Variants in CD80 observed in about 807,000 individuals in gnomAD.
CD80 encodes T-lymphocyte activation antigen CD80.
CD80 carries 13 observed loss-of-function variants against 27.1 expected under a neutral mutation model. The observed-to-expected ratio is 0.48, with a 90% confidence interval of 0.31 to 0.76. The LOEUF is 0.76. Among genes scored for constraint, CD80 ranks in the 30% least tolerant of loss-of-function variants. The pLI is 0.04. For missense variants in CD80, 277 were observed against 347.9 expected (o/e 0.80, Z 1.62); for synonymous variants, 125 against 125.5 (o/e 1.00, Z 0.03).
intron 2 of CD80, among the ~76,000 whole-genome samples, chr3:119,553,140 TTTA>T (rs2082243666): frequency 6.8e-6 from 1 of 147,846 alleles, no homozygotes; most frequent in South Asian, 2.2e-4. Context: ...TATTTATTTA[TTTA>T]TTTATTTATT....
At chr3:119,557,158 T>C (rs2082269217) in intron 2 of CD80, among the ~76,000 whole-genome samples, 1 of 152,198 alleles carries the variant, frequency 6.6e-6, no homozygotes, top group Non-Finnish European at 1.5e-5. Flanking sequence ...TGAATGTCAT[T>C]AAGAGGAATT....
At chr3:119,544,935 C>A in intron 2 of CD80, 68 bp from the exon 3 acceptor site, 1 of 1,284,544 alleles carries the variant, frequency 7.8e-7, no homozygotes, top group Non-Finnish European at 1.1e-6. Flanking sequence ...GTCAGGAATC[C>A]AAAGTCGGCA....
chr3:119,544,130 C>T (rs760590849), intron 3 of CD80, among the ~76,000 whole-genome samples: 4 of 152,052 alleles, frequency 2.6e-5, no homozygotes, highest in South Asian at 4.2e-4. Context: ...TCAAGTGATC[C>T]GCCTGCCTTG....
chr3:119,545,081 C>T (rs1403637281), intron 2 of CD80, among the ~76,000 whole-genome samples: 8 of 152,096 alleles, frequency 5.3e-5, no homozygotes, highest in East Asian at 1.9e-4. Flanking sequence ...TGGTGGCTCA[C>T]GCCTGTAATC....
rs2082280995 is a variant in CD80, at chr3:119,559,432, G to A, written c.-201+8C>T. 1 of 152,172 alleles carries A rather than the reference G, an allele frequency of 6.6e-6. No homozygotes were observed. The highest frequency in any genetic ancestry group is 1.5e-5 in the Non-Finnish European group (1 of 68,032). The allele number at this position is 152,172 out of a possible 1,614,324, so 9.4% of individuals were successfully genotyped here. The stretch of plus-strand genomic sequence containing the variant: ...ATCCCATAGTAAGATAATAGTAAAT[G>A]TACTTACTTGCTGAAGAAAAATTCC... On this transcript the variant is annotated splice_region_variant and intron_variant, in intron 1 of 6. Coordinates refer to ENST00000264246, the MANE Select transcript of CD80 (RefSeq NM_005191.4).
At chr3:119,548,027 G>A (rs2082210537) in intron 2 of CD80, among the ~76,000 whole-genome samples, 1 of 151,454 alleles carries the variant, frequency 6.6e-6, no homozygotes, top group Admixed American at 6.6e-5. Flanking sequence ...TTTTGCCCAG[G>A]CTGGAGTGAA....
intron 4 of CD80, among the ~76,000 whole-genome samples, chr3:119,531,900 G>C (rs2082113672): frequency 6.6e-6 from 1 of 152,080 alleles, no homozygotes; most frequent in Non-Finnish European, 1.5e-5. Context: ...CTGACCTCAG[G>C]TGATTCTCCT....
chr3:119,536,989 G>A, intron 4 of CD80, 148 bp downstream of exon 4: 1 of 788,620 alleles, frequency 1.3e-6, no homozygotes, highest in Admixed American at 2.3e-5. Context: ...TACCATCTAG[G>A]TTTATGTAAA....
intron 5 of CD80, among the ~76,000 whole-genome samples, chr3:119,528,559 C>T (rs1362035291): frequency 6.6e-6 from 1 of 152,166 alleles, no homozygotes; most frequent in Non-Finnish European, 1.5e-5. Flanking sequence ...TCATCAGCCA[C>T]TCCTGATCTT....
intron 2 of CD80, among the ~76,000 whole-genome samples, chr3:119,548,480 A>G (rs2082212935): frequency 6.6e-6 from 1 of 152,200 alleles, no homozygotes; most frequent in Non-Finnish European, 1.5e-5. Context: ...AGGGGATATG[A>G]AAGTCATAGT....
intron 2 of CD80, among the ~76,000 whole-genome samples, chr3:119,551,638 A>G (rs535758673): frequency 6.6e-6 from 1 of 152,242 alleles, no homozygotes; most frequent in Non-Finnish European, 1.5e-5. Flanking sequence ...TTCTTTCTAA[A>G]TTACCCAATG....
At chr3:119,527,548 A>G in intron 6 of CD80, 185 bp downstream of exon 6, 3 of 497,666 alleles carry the variant, frequency 6.0e-6, no homozygotes, top group Non-Finnish European at 1.1e-5. Context: ...AGAAGAGGTT[A>G]CATTAAGCAA....
intron 4 of CD80, among the ~76,000 whole-genome samples, chr3:119,531,234 A>G (rs1247010351): frequency 6.6e-6 from 1 of 152,258 alleles, no homozygotes; most frequent in Non-Finnish European, 1.5e-5. Flanking sequence ...TTTTTGTGCC[A>G]GGGCTTTCCA....
intron 3 of CD80, among the ~76,000 whole-genome samples, chr3:119,537,975 G>T (rs1408556427): frequency 6.6e-6 from 1 of 152,184 alleles, no homozygotes; most frequent in Non-Finnish European, 1.5e-5. Flanking sequence ...GGAGAAGTAG[G>T]TTCGTGTGAA....
chr3:119,541,415 A>G (rs1042130880), intron 3 of CD80, among the ~76,000 whole-genome samples: 41 of 152,248 alleles, frequency 2.7e-4, no homozygotes, highest in Non-Finnish European at 1.3e-4. Flanking sequence ...TTGCAATCTT[A>G]GACAAATATA....
chr3:119,549,400 G>A (rs2082218790), intron 2 of CD80, among the ~76,000 whole-genome samples: 1 of 152,140 alleles, frequency 6.6e-6, no homozygotes, highest in Non-Finnish European at 1.5e-5. Flanking sequence ...TAGAAGGCAT[G>A]GTCATTCTTC....
At chr3:119,541,564 C>T (rs2082168497) in intron 3 of CD80, among the ~76,000 whole-genome samples, 1 of 152,194 alleles carries the variant, frequency 6.6e-6, no homozygotes, top group East Asian at 1.9e-4. Flanking sequence ...TTCCTTGCTT[C>T]TCAAATTGTG....
chr3:119,544,961 G>A (rs2107745086), intron 2 of CD80, 94 bp from the exon 3 acceptor site: 2 of 963,030 alleles, frequency 2.1e-6, no homozygotes, highest in Non-Finnish European at 3.1e-6. Context: ...AGAACTTAGG[G>A]TGTTGTGTCT....
At chr3:119,530,530 ATCCT>A (rs201842962) in intron 4 of CD80, among the ~76,000 whole-genome samples, 4,249 of 152,318 alleles carry the variant, frequency 0.028, 91 homozygotes, top group Middle Eastern at 0.071. Flanking sequence ...AGGTGGGACC[ATCCT>A]AGAAGAGAGC....
Sources: allele counts gnomAD v4.1 joint callset (sites outside exome capture counted in the v4.1 genomes callset), GRCh38; gene constraint gnomAD v4.1.1; transcripts MANE v1.5; gene names NCBI Gene and HGNC (gene_info 2026-07-23, HGNC 2026-07-21).